The following KMT5B variants were observed in gnomAD, a reference collection of about 807,000 sequenced individuals.
The protein encoded by KMT5B is histone-lysine N-methyltransferase KMT5B.
KMT5B carries 10 observed loss-of-function variants against 83.2 expected under a neutral mutation model. That is an observed-to-expected ratio of 0.12 (90% CI 0.07 to 0.20). The LOEUF is 0.20. Among genes scored for constraint, KMT5B ranks in the 10% least tolerant of loss-of-function variants. The pLI is 1.00. For missense variants in KMT5B, 753 were observed against 1,067.2 expected, an observed-to-expected ratio of 0.71 and a Z score of 4.10; for synonymous variants, 349 against 388.8, an observed-to-expected ratio of 0.90 and a Z score of 1.20.
chr11:68,212,959 G>C (rs987475123), intron 1 of KMT5B, among the ~76,000 whole-genome samples, 179 bp downstream of exon 1: 1 of 141,322 alleles, frequency 7.1e-6, no homozygotes, highest in East Asian at 2.1e-4. Flanking sequence ...CCCCGCACCG[G>C]CCCGGCCGCA....
chr11:68,207,077 C>T (rs1000767367), intron 1 of KMT5B, among the ~76,000 whole-genome samples: 1 of 151,994 alleles, frequency 6.6e-6, no homozygotes, highest in African/African-American at 2.4e-5. Flanking sequence ...CCCGTCTCCA[C>T]TAAAAATACA....
chr11:68,184,315 T>C (rs555636223), intron 3 of KMT5B, among the ~76,000 whole-genome samples: 1 of 152,018 alleles, frequency 6.6e-6, no homozygotes, highest in South Asian at 2.1e-4. Flanking sequence ...GAGGTTGCAG[T>C]GAGCTGAGAT....
intron 4 of KMT5B, among the ~76,000 whole-genome samples, chr11:68,175,680 T>C (rs965831050): frequency 6.6e-6 from 1 of 152,166 alleles, no homozygotes; most frequent in Non-Finnish European, 1.5e-5. Flanking sequence ...TTCAGAAGTA[T>C]GATGATGTAA....
At chr11:68,174,626 A>G (rs1400636469) in intron 5 of KMT5B, among the ~76,000 whole-genome samples, 1 of 152,082 alleles carries the variant, frequency 6.6e-6, no homozygotes, top group African/African-American at 2.4e-5. Flanking sequence ...ACTCTTGGGC[A>G]CAAGCAATGC....
In KMT5B at chr11:68,171,392, T is replaced by C; in HGVS notation, c.821-141A>G. ...TAGGTCTCAAGTTCAACTAAAGGAA[T>C]ATACATTTATTTTAATAAGTTTGTG... On this transcript the variant is annotated intron_variant, in intron 7 of 10. Coordinates refer to ENST00000304363, the MANE Select transcript of KMT5B (RefSeq NM_017635.5). The surrounding 1 kb of genome is among the most constrained non-coding windows in gnomAD (Gnocchi z 5.1). 8.1e-7 allele frequency: 1 copy of C among 1,233,012 alleles called. No individual in the cohort carries two copies. Among genetic ancestry groups the C allele is most frequent in the Non-Finnish European group, 1.1e-6 (1 of 876,610 alleles). The allele number at this position is 1,233,012 out of a possible 1,614,324, so 76.4% of individuals were successfully genotyped here.
chr11:68,159,875 G>A (rs985929365), intron 10 of KMT5B, among the ~76,000 whole-genome samples: 2 of 152,188 alleles, frequency 1.3e-5, no homozygotes, highest in African/African-American at 4.8e-5. Flanking sequence ...CTTCAGTGAC[G>A]GCCAGATGCC....
intron 2 of KMT5B, among the ~76,000 whole-genome samples, chr11:68,186,890 T>C (rs1381061886): frequency 1.3e-5 from 2 of 152,244 alleles, no homozygotes; most frequent in Non-Finnish European, 2.9e-5. Flanking sequence ...CATATGATTT[T>C]GCAATCAAAT....
intron 1 of KMT5B, among the ~76,000 whole-genome samples, chr11:68,193,029 T>C (rs1374262999): frequency 6.6e-6 from 1 of 152,152 alleles, no homozygotes; most frequent in East Asian, 1.9e-4. Flanking sequence ...TCACTACTAA[T>C]GGAATGAGAA....
intron 10 of KMT5B, among the ~76,000 whole-genome samples, chr11:68,160,296 CTA>C (rs1388863498): frequency 6.6e-6 from 1 of 152,150 alleles, no homozygotes; most frequent in Admixed American, 6.5e-5. Context: ...TGACTTTCTG[CTA>C]TGTTAATTTT....
At chr11:68,174,611 C>G (rs1856171455) in intron 5 of KMT5B, among the ~76,000 whole-genome samples, 1 of 152,162 alleles carries the variant, frequency 6.6e-6, no homozygotes, top group Non-Finnish European at 1.5e-5. Context: ...TCAGAGCAGC[C>G]TCTAACTCTT....
At chr11:68,212,977 C>T (rs1861143869) in intron 1 of KMT5B, among the ~76,000 whole-genome samples, 161 bp downstream of exon 1, 1 of 140,954 alleles carries the variant, frequency 7.1e-6, no homozygotes, top group African/African-American at 2.5e-5. Flanking sequence ...GCAGCCCCGC[C>T]CCCCGCGCCC....
rs1859369648 is a variant in KMT5B, at chr11:68,157,301, T to C, written c.*387A>G. Reference sequence around the variant, plus strand: ...AACCCTTAATATGCTGCTACTATGATTTGTTTTAAATTATTGTTTAGTCAT... The same window carrying C: ...AACCCTTAATATGCTGCTACTATGACTTGTTTTAAATTATTGTTTAGTCAT... On this transcript the variant is annotated 3_prime_UTR_variant, in exon 11 of 11. Coordinates refer to ENST00000304363, the MANE Select transcript of KMT5B (RefSeq NM_017635.5). 1 of 158,796 alleles carries C rather than the reference T, an allele frequency of 6.3e-6. No individual in the cohort carries two copies. The highest frequency in any genetic ancestry group is 2.4e-5 in the African/African-American group (1 of 41,732). The allele number at this position is 158,796 out of a possible 1,614,324, so 9.8% of individuals were successfully genotyped here.
Position 68,185,463 on chromosome 11 carries a change from C to T in KMT5B, c.308+318G>A, listed in dbSNP as rs569368705. On this transcript the variant is annotated intron_variant, in intron 3 of 10. Coordinates refer to ENST00000304363, the MANE Select transcript of KMT5B (RefSeq NM_017635.5). The stretch of plus-strand genomic sequence containing the variant: ...CCTCAGGTGATCCACCCACCTTGGC[C>T]TCCCAAAGTGTGGGGATTACAGGCG... Among the ~76,000 whole-genome samples, 10 of 152,314 alleles carry T rather than the reference C, an allele frequency of 6.6e-5. No individual in the cohort carries two copies. The South Asian group carries it at 2.1e-3, about 32-fold the overall frequency.
intron 10 of KMT5B, among the ~76,000 whole-genome samples, chr11:68,161,832 C>A (rs987301978): frequency 4.6e-5 from 7 of 152,170 alleles, no homozygotes; most frequent in Non-Finnish European, 8.8e-5. Context: ...CATTCTCGCA[C>A]GGCTATTACC....
chr11:68,199,484 G>A (rs2153082156), intron 1 of KMT5B, among the ~76,000 whole-genome samples: 1 of 152,272 alleles, frequency 6.6e-6, no homozygotes, highest in South Asian at 2.1e-4. Context: ...AAATATGGAG[G>A]AAGAGTGGGA....
chr11:68,166,957 T>C lies in KMT5B; in HGVS notation c.1174+25A>G, dbSNP rs114781435. On this transcript the variant is annotated intron_variant, in intron 10 of 10. Coordinates refer to ENST00000304363, the MANE Select transcript of KMT5B (RefSeq NM_017635.5). ...TGTGTGAAAATACTTTTAAAAGATA[T>C]GCTTATCAAATCTCCCTTACTTACT... The C allele has an allele frequency of 4.6e-4, 742 of 1,610,506 alleles. 6 individuals are homozygous for C. In the African/African-American group the frequency reaches 8.7e-3, roughly 19 times the overall value.
In KMT5B at chr11:68,158,662, T is replaced by A. The variant is rs1364905390; in HGVS notation, c.1684A>T (p.Asn562Tyr). ...SDIKLEPNTL[N>Y]GYKSSVTEPC... ...TCCGTCACACTGCTTTTATAGCCAT[T>A]CAACGTATTTGGTTCAAGCTTGATG... The change falls in exon 11 of 11, where the codon AAT (asparagine) becomes TAT (tyrosine). Residue 562 changes from asparagine (N) to tyrosine (Y), a missense_variant. By Grantham distance (143) the Asn-to-Tyr change is moderately radical. This residue lies in a region of KMT5B where 397 missense variants were observed against 395.9 expected (regional missense o/e 1.00). Coordinates refer to ENST00000304363, the MANE Select transcript of KMT5B (RefSeq NM_017635.5). 12 of 1,614,130 alleles carry A rather than the reference T, an allele frequency of 7.4e-6. No individual in the cohort carries two copies. The highest frequency in any genetic ancestry group is 1.1e-5 in the South Asian group (1 of 91,080).
Position 68,158,408 on chromosome 11 carries a change from C to A in KMT5B, c.1938G>T (p.Met646Ile). The change falls in exon 11 of 11, where the codon ATG becomes ATT. Residue 646 changes from methionine to isoleucine, a missense_variant. Physicochemically the swap from Met to Ile is conservative, Grantham distance 10. Coordinates refer to ENST00000304363, the MANE Select transcript of KMT5B (RefSeq NM_017635.5). ...PGKDDAVPDL[M>I]GPHSDQGEHS... ...GCTCACCCTGGTCAGAATGGGGACC[C>A]ATCAAATCTGGTACCGCGTCGTCTT... is the stretch of plus-strand genomic sequence containing the variant. 6.2e-7 allele frequency: 1 copy of A among 1,614,084 alleles called. No individual in the cohort carries two copies. The highest frequency in any genetic ancestry group is 8.5e-7 in the Non-Finnish European group (1 of 1,179,976).
chr11:68,200,691 A>T (rs548367984), intron 1 of KMT5B, among the ~76,000 whole-genome samples: 14 of 152,330 alleles, frequency 9.2e-5, no homozygotes, highest in East Asian at 5.8e-4. Context: ...TGTTAAAAAA[A>T]TTTTTTTAAA....
Sources: allele counts gnomAD v4.1 joint callset (sites outside exome capture counted in the v4.1 genomes callset), GRCh38; gene constraint gnomAD v4.1.1; regional missense constraint gnomAD v4.1.1; non-coding constraint Gnocchi (gnomAD v3.1); transcripts MANE v1.5; gene names NCBI Gene and HGNC (gene_info 2026-07-23, HGNC 2026-07-21).